Variants in ROCK1 observed in about 807,000 individuals in gnomAD.
The protein encoded by ROCK1 is rho-associated protein kinase 1.
In ROCK1, 36 loss-of-function variants were observed where a neutral mutation model predicts 196.8. The observed-to-expected ratio is 0.18, with a 90% confidence interval of 0.14 to 0.24. The LOEUF (loss-of-function observed/expected upper bound fraction) is 0.24, where lower values mean the gene tolerates loss of function less well. ROCK1 is among the 10% of genes least tolerant of loss of function. ROCK1 has a pLI of 1.00. For missense variants in ROCK1, 920 were observed against 1,562.0 expected, an observed-to-expected ratio of 0.59 and a Z score of 6.93; for synonymous variants, 443 against 515.9, an observed-to-expected ratio of 0.86 and a Z score of 1.91.
rs746861081 is a variant in ROCK1, at chr18:21,045,899, G to GTTTC, written c.415-433_415-432insGAAA. On this transcript the variant is annotated intron_variant, in intron 4 of 32. Coordinates refer to ENST00000399799, the MANE Select transcript of ROCK1 (RefSeq NM_005406.3). ...ATAAATTTGGCTTACAGTTTCAGCTGTTTTTTTTTTTTTTTTTTTTTTTTT... is the reference window on the plus strand; with the variant it reads ...ATAAATTTGGCTTACAGTTTCAGCTGTTTCTTTTTTTTTTTTTTTTTTTTTTTTT... Among the ~76,000 whole-genome samples, 420 of 62,512 alleles carry GTTTC rather than the reference G, an allele frequency of 6.7e-3. 61 individuals are homozygous for GTTTC. Among genetic ancestry groups the GTTTC allele is most frequent in the African/African-American group, 0.027 (394 of 14,388 alleles). 41.0% of individuals were successfully genotyped at this position (62,512 alleles called of 152,430 possible). A position where few individuals can be genotyped will look rare whatever the true frequency, so the allele number is the denominator to read the frequency against.
Position 20,958,870 on chromosome 18 carries a change from A to G in ROCK1, c.3512+970T>C, listed in dbSNP as rs1489275624. ...TTATTAATAGTTATAAAATATATAT[A>G]TTATATATATAAATATATATATTTA... On this transcript the variant is annotated intron_variant, in intron 29 of 32. Transcript: ENST00000399799. Among the ~76,000 whole-genome samples the G allele has an allele frequency of 6.8e-5, 8 of 117,868 alleles. No individual in the cohort carries two copies. In the Admixed American group the frequency reaches 9.9e-4, roughly 15 times the overall value. The allele number at this position is 117,868 out of a possible 152,430, so 77.3% of individuals were successfully genotyped here. A position where few individuals can be genotyped will look rare whatever the true frequency, so the allele number is the denominator to read the frequency against.
At chr18:21,059,507 A>T (rs1350480237) in intron 2 of ROCK1, among the ~76,000 whole-genome samples, 1 of 152,230 alleles carries the variant, frequency 6.6e-6, no homozygotes, top group Non-Finnish European at 1.5e-5. Context: ...TATTAAAAAC[A>T]CTTAATGACA....
chr18:21,036,284 G>T (rs2036056235), intron 9 of ROCK1, among the ~76,000 whole-genome samples: 1 of 152,120 alleles, frequency 6.6e-6, no homozygotes, highest in Admixed American at 6.5e-5. Flanking sequence ...ATATATATGT[G>T]TGTACACAAT....
intron 13 of ROCK1, 70 bp downstream of exon 13, chr18:21,015,361 T>C (rs1180202422): frequency 4.9e-6 from 5 of 1,021,634 alleles, no homozygotes; most frequent in African/African-American, 1.6e-5. Flanking sequence ...TACAATTTTC[T>C]CAGGAAACGA....
chr18:21,028,723 T>G, intron 10 of ROCK1, 53 bp downstream of exon 10: 1 of 1,464,556 alleles, frequency 6.8e-7, no homozygotes, highest in Non-Finnish European at 9.2e-7. Context: ...TTTTAGATAT[T>G]TCTAAGAACA....
At chr18:21,103,722 G>A (rs955474168) in intron 1 of ROCK1, among the ~76,000 whole-genome samples, 1 of 152,090 alleles carries the variant, frequency 6.6e-6, no homozygotes, top group African/African-American at 2.4e-5. Context: ...TGGGATTACA[G>A]ACCACCATGC....
chr18:21,071,423 T>G (rs1483483288), intron 1 of ROCK1, among the ~76,000 whole-genome samples: 1 of 152,146 alleles, frequency 6.6e-6, no homozygotes, highest in African/African-American at 2.4e-5. Context: ...CAATTGCTCC[T>G]GTCTCAGAGT....
intron 13 of ROCK1, among the ~76,000 whole-genome samples, chr18:21,015,076 G>A (rs754420374): frequency 8.5e-5 from 13 of 152,136 alleles, no homozygotes; most frequent in Non-Finnish European, 1.9e-4. Flanking sequence ...ATTTTAAACT[G>A]TATTTCTCTC....
At chr18:21,012,331 C>T (rs573907981) in intron 13 of ROCK1, among the ~76,000 whole-genome samples, 1 of 152,266 alleles carries the variant, frequency 6.6e-6, no homozygotes, top group Admixed American at 6.5e-5. Context: ...GCTGGTGACA[C>T]ATTATCTTAG....
intron 1 of ROCK1, among the ~76,000 whole-genome samples, chr18:21,105,519 T>C (rs1033034042): frequency 2.0e-5 from 3 of 152,194 alleles, no homozygotes; most frequent in South Asian, 2.1e-4. Context: ...TCAATTCAAC[T>C]GGCAAGGCAT....
intron 12 of ROCK1, among the ~76,000 whole-genome samples, chr18:21,019,521 C>T (rs751661731): frequency 2.0e-4 from 30 of 151,936 alleles, no homozygotes; most frequent in Non-Finnish European, 3.7e-4. Flanking sequence ...TGGCCGGGTG[C>T]GGTGGCTCAC....
At chr18:20,981,312 T>G (rs1201445292) in intron 21 of ROCK1, among the ~76,000 whole-genome samples, 1 of 151,938 alleles carries the variant, frequency 6.6e-6, no homozygotes, top group Non-Finnish European at 1.5e-5. Flanking sequence ...GAGAATGGCG[T>G]GAACCCGGGA....
In ROCK1 at chr18:21,006,687, T is replaced by C; in HGVS notation, c.1638+12A>G. The C allele has an allele frequency of 6.3e-7, 1 of 1,588,772 alleles. No individual in the cohort carries two copies. The highest frequency in any genetic ancestry group is 8.5e-7 in the Non-Finnish European group (1 of 1,172,972). The stretch of plus-strand genomic sequence containing the variant: ...AATTTTTTTAAAAAGGAACCTCATT[T>C]GAAACACTTACCTGCTTTTGTAACT... On this transcript the variant is annotated intron_variant, in intron 15 of 32. Coordinates refer to ENST00000399799, the MANE Select transcript of ROCK1 (RefSeq NM_005406.3).
chr18:21,093,576 C>T (rs1242610812), intron 1 of ROCK1, among the ~76,000 whole-genome samples: 1 of 152,166 alleles, frequency 6.6e-6, no homozygotes, highest in Admixed American at 6.5e-5. Flanking sequence ...GCACTGTCTG[C>T]CCTGCCCTAC....
Position 21,042,716 on chromosome 18 carries a change from A to C in ROCK1, c.676-7T>G. ...CACATCGTACCATGCCTTCCTAAAA[A>C]GCGCGGCAGGTCAAATTTTGAATTA... On this transcript the variant is annotated splice_region_variant and splice_polypyrimidine_tract_variant and intron_variant, in intron 6 of 32. Transcript: ENST00000399799. 1 of 1,585,532 alleles carries C rather than the reference A, an allele frequency of 6.3e-7. No individual in the cohort carries two copies. Among genetic ancestry groups the C allele is most frequent in the Non-Finnish European group, 8.6e-7 (1 of 1,168,040 alleles).
intron 12 of ROCK1, among the ~76,000 whole-genome samples, chr18:21,016,500 A>G (rs1365341986): frequency 2.6e-5 from 4 of 152,230 alleles, no homozygotes; most frequent in African/African-American, 9.6e-5. Flanking sequence ...CTCAAAGTGT[A>G]TTATCTTCAT....
chr18:21,051,148 A>G (rs1386499244), intron 2 of ROCK1, among the ~76,000 whole-genome samples: 1 of 152,160 alleles, frequency 6.6e-6, no homozygotes, highest in Non-Finnish European at 1.5e-5. Context: ...TAGATGATAG[A>G]GAATGAAAGA....
chr18:21,107,921 G>C (rs2036717222), intron 1 of ROCK1, among the ~76,000 whole-genome samples: 1 of 152,072 alleles, frequency 6.6e-6, no homozygotes, highest in Admixed American at 6.6e-5. Flanking sequence ...AGGCGTGGTA[G>C]TGCACGCGTG....
At chr18:21,042,279 T>C in intron 7 of ROCK1, 44 bp from the exon 8 acceptor site, 9 of 1,507,508 alleles carry the variant, frequency 6.0e-6, no homozygotes, top group Non-Finnish European at 8.0e-6. Flanking sequence ...GAAATACATT[T>C]TTAAAAAGTC....
Sources: allele counts gnomAD v4.1 joint callset (sites outside exome capture counted in the v4.1 genomes callset), GRCh38; gene constraint gnomAD v4.1.1; transcripts MANE v1.5; gene names NCBI Gene and HGNC (gene_info 2026-07-23, HGNC 2026-07-21).